Variants in PLD5 observed in about 807,000 individuals in gnomAD.
PLD5 encodes phospholipase D family member 5, also known as inactive phospholipase D5.
Under a neutral mutation model 61.1 loss-of-function variants are expected in PLD5, and 36 were observed. That is an observed-to-expected ratio of 0.59 (90% CI 0.45 to 0.78). PLD5 has a LOEUF of 0.78. Among genes scored for constraint, PLD5 ranks in the 30% least tolerant of loss-of-function variants. PLD5 has a pLI of 0.00. For missense variants in PLD5, 515 were observed against 644.4 expected, an observed-to-expected ratio of 0.80 and a Z score of 2.17; for synonymous variants, 243 against 242.8, an observed-to-expected ratio of 1.00 and a Z score of -0.01.
intron 1 of PLD5, among the ~76,000 whole-genome samples, chr1:242,398,266 A>G (rs1663717670): frequency 6.6e-6 from 1 of 152,216 alleles, no homozygotes; most frequent in East Asian, 1.9e-4. Context: ...GGCCAAGGGA[A>G]GAACATTAAC....
chr1:242,144,810 A>T (rs1177494357), intron 5 of PLD5, among the ~76,000 whole-genome samples: 1 of 152,046 alleles, frequency 6.6e-6, no homozygotes, highest in Non-Finnish European at 1.5e-5. Flanking sequence ...AAGAGAATGG[A>T]AAGAGACAAA....
At chr1:242,414,073 T>A (rs1379601610) in intron 1 of PLD5, among the ~76,000 whole-genome samples, 1 of 152,098 alleles carries the variant, frequency 6.6e-6, no homozygotes, top group Non-Finnish European at 1.5e-5. Flanking sequence ...GCTATTAAAA[T>A]GGTCTAGCTG....
At chr1:242,175,446 A>T (rs1436441184) in intron 5 of PLD5, among the ~76,000 whole-genome samples, 1 of 152,214 alleles carries the variant, frequency 6.6e-6, no homozygotes, top group South Asian at 2.1e-4. Flanking sequence ...AATAGAATGT[A>T]TCTCAAAATA....
chr1:242,149,506 A>G (rs773636821), intron 5 of PLD5, among the ~76,000 whole-genome samples: 10 of 146,596 alleles, frequency 6.8e-5, no homozygotes, highest in East Asian at 4.0e-4. Context: ...AAAGTGTTTT[A>G]CTTTTTTTTT....
chr1:242,527,114 C>CTTTTTTTTTTTTTTTTTTT (rs530334746), upstream of PLD5, among the ~76,000 whole-genome samples: 15 of 71,978 alleles, frequency 2.1e-4, 1 homozygote, highest in Non-Finnish European at 2.8e-4. Flanking sequence ...CTATCTCCTT[C>CTTTTTTTTTTTTTTTTTTT]TTTTTTTTTT....
chr1:242,519,631 C>A lies in PLD5; in HGVS notation c.189+4457G>T, dbSNP rs75583468. On this transcript the variant is annotated intron_variant, in intron 1 of 9. Coordinates refer to ENST00000536534, the MANE Select transcript of PLD5 (RefSeq NM_001372062.1). Reference sequence around the variant, plus strand: ...AGAGAAGCAGAGGTTGGAGAGAGGACAAAGAGTTTGTCTCTGCTAGCAGGA... The same window carrying A: ...AGAGAAGCAGAGGTTGGAGAGAGGAAAAAGAGTTTGTCTCTGCTAGCAGGA... Among the ~76,000 whole-genome samples, 1,173 of 152,268 alleles carry A rather than the reference C, an allele frequency of 7.7e-3. 54 individuals are homozygous for A. Among genetic ancestry groups the A allele is most frequent in the Admixed American group, 0.053 (807 of 15,294 alleles).
At chr1:242,360,258 A>G (rs1660993168) in intron 1 of PLD5, among the ~76,000 whole-genome samples, 1 of 152,162 alleles carries the variant, frequency 6.6e-6, no homozygotes, top group Non-Finnish European at 1.5e-5. Context: ...ATGTTCATCC[A>G]TCAAATTTAC....
At position 242,271,179 on chromosome 1, in the gene PLD5, T is replaced by TACACAC. The variant is rs375177006; in HGVS notation, c.496-5737_496-5732dup. Among the ~76,000 whole-genome samples, 34 of 95,790 alleles carry TACACAC rather than the reference T, an allele frequency of 3.5e-4. 4 individuals carry two copies. Among genetic ancestry groups the TACACAC allele is most frequent in the South Asian group, 1.2e-3 (3 of 2,486 alleles). The allele number at this position is 95,790 out of a possible 152,430, so 62.8% of individuals were successfully genotyped here. ...ATATCTCAAAGTACACATGTGCATGTACACACACACACACACACACACAGA... is the reference window on the plus strand; with the variant it reads ...ATATCTCAAAGTACACATGTGCATGTACACACACACACACACACACACACACACAGA... On this transcript the variant is annotated intron_variant, in intron 3 of 9. Transcript: ENST00000536534.
chr1:242,122,904 A>C (rs1320018518), intron 6 of PLD5, among the ~76,000 whole-genome samples: 3 of 152,236 alleles, frequency 2.0e-5, no homozygotes, highest in African/African-American at 7.2e-5. Context: ...AGTGACAAAA[A>C]AGTTGTTGGC....
At chr1:242,497,337 T>G (rs971663274) in intron 1 of PLD5, among the ~76,000 whole-genome samples, 1 of 152,234 alleles carries the variant, frequency 6.6e-6, no homozygotes, top group Non-Finnish European at 1.5e-5. Flanking sequence ...TATTTTACTA[T>G]AGTCCAATCA....
chr1:242,167,073 TAATAGTA>T (rs1340268778), intron 5 of PLD5, among the ~76,000 whole-genome samples: 5 of 20,912 alleles, frequency 2.4e-4, no homozygotes, highest in South Asian at 2.2e-3. Context: ...GAGACAATAA[TAATAGTA>T]ATAATAATAA....
rs1048168093 is a variant in PLD5 at position 242,395,390 on chromosome 1, T to C, written c.190-47148A>G. On this transcript the variant is annotated intron_variant, in intron 1 of 9. Transcript: ENST00000536534. The stretch of plus-strand genomic sequence containing the variant: ...TGCCTGAGTACCTGCTAACTACAGT[T>C]TGGCTATAGACAACAGGGAGATTTA... Among the ~76,000 whole-genome samples the C allele has an allele frequency of 9.9e-5, 15 of 152,184 alleles. 1 individual carries two copies. Among genetic ancestry groups the C allele is most frequent in the African/African-American group, 3.6e-4 (15 of 41,516 alleles).
chr1:242,410,040 G>A (rs193273204), intron 1 of PLD5, among the ~76,000 whole-genome samples: 41 of 152,196 alleles, frequency 2.7e-4, no homozygotes, highest in African/African-American at 9.1e-4. Flanking sequence ...CCCTCTAGCT[G>A]CCTAAAATAA....
intron 5 of PLD5, among the ~76,000 whole-genome samples, chr1:242,132,327 G>A (rs889035236): frequency 2.6e-5 from 4 of 151,534 alleles, no homozygotes; most frequent in African/African-American, 9.7e-5. Context: ...CATCAGAATG[G>A]AGAGAGGAGA....
At chr1:242,348,386 G>T (rs975336805) in intron 1 of PLD5, 144 bp from the exon 2 acceptor site, 2 of 898,986 alleles carry the variant, frequency 2.2e-6, no homozygotes, top group Non-Finnish European at 3.2e-6. Flanking sequence ...ATTCTCTAGT[G>T]AACATGCCAA....
chr1:242,174,135 T>C (rs1435563353), intron 5 of PLD5, among the ~76,000 whole-genome samples: 2 of 152,258 alleles, frequency 1.3e-5, no homozygotes, highest in Middle Eastern at 3.4e-3. Context: ...GAGAAAATTT[T>C]TGCAATCTAC....
At chr1:242,230,107 A>T (rs1391968577) in intron 4 of PLD5, among the ~76,000 whole-genome samples, 2 of 152,128 alleles carry the variant, frequency 1.3e-5, no homozygotes, top group Admixed American at 1.3e-4. Context: ...ATAGCCCCCA[A>T]ACAGCAAAGA....
chr1:242,447,253 G>T (rs1666581787), intron 1 of PLD5, among the ~76,000 whole-genome samples: 1 of 152,172 alleles, frequency 6.6e-6, no homozygotes. Context: ...GCCCAAGCTG[G>T]GCTGGCTTAT....
chr1:242,320,490 T>C (rs1485177106), intron 2 of PLD5, among the ~76,000 whole-genome samples: 1 of 151,620 alleles, frequency 6.6e-6, no homozygotes, highest in South Asian at 2.1e-4. Flanking sequence ...ATCTGAAGAG[T>C]GGTTGCCCAG....
Sources: gnomAD v4.1 joint callset for allele counts (sites outside exome capture counted in the v4.1 genomes callset) on GRCh38, gnomAD v4.1.1 for gene constraint, MANE v1.5 for transcripts, NCBI Gene and HGNC (gene_info 2026-07-23, HGNC 2026-07-21) for gene names.